The following ADCY2 variants were observed in gnomAD, a reference collection of about 807,000 sequenced individuals.
ADCY2 encodes adenylate cyclase type 2.
In ADCY2, 31 loss-of-function variants were observed where a neutral mutation model predicts 125.2. The ratio of observed to expected loss-of-function variants is 0.25; its 90% CI spans 0.19 to 0.33. The LOEUF (loss-of-function observed/expected upper bound fraction) is 0.33. Among genes scored for constraint, ADCY2 ranks in the 10% least tolerant of loss-of-function variants. ADCY2 has a pLI of 1.00. For missense variants in ADCY2, 904 were observed against 1,418.2 expected (o/e 0.64, Z 5.82); for synonymous variants, 512 against 548.4 (o/e 0.93, Z 0.93).
intron 7 of ADCY2, among the ~76,000 whole-genome samples, chr5:7,705,823 T>C (rs535476897): frequency 6.6e-6 from 1 of 152,364 alleles, no homozygotes; most frequent in African/African-American, 2.4e-5. Context: ...TTTATTTTTA[T>C]ATCGTGGGTC....
chr5:7,503,392 C>G (rs1484675210), intron 2 of ADCY2, among the ~76,000 whole-genome samples: 1 of 152,116 alleles, frequency 6.6e-6, no homozygotes, highest in Admixed American at 6.5e-5. Context: ...AATGAGAAAC[C>G]AATCGCTCGC....
chr5:7,538,483 C>G (rs777223332), intron 3 of ADCY2, among the ~76,000 whole-genome samples: 5 of 152,096 alleles, frequency 3.3e-5, no homozygotes, highest in Non-Finnish European at 5.9e-5. Flanking sequence ...CTTTCTTTCT[C>G]TCTGGCTTAT....
Position 7,396,220 on chromosome 5 carries a change from G to T in ADCY2, c.-77G>T. 1.2e-6 allele frequency: 1 copy of T among 833,060 alleles called. No homozygotes were observed. The highest frequency in any genetic ancestry group is 1.4e-6 in the Non-Finnish European group (1 of 694,574). 51.6% of individuals were successfully genotyped at this position (833,060 alleles called of 1,614,324 possible). On this transcript the variant is annotated 5_prime_UTR_variant, in exon 1 of 25. Coordinates refer to ENST00000338316, the MANE Select transcript of ADCY2 (RefSeq NM_020546.3). The surrounding 1 kb of genome is among the most constrained non-coding windows in gnomAD (Gnocchi z 5.7). ...GCCGGGCCGGCCGAGGCGGCGCGGG[G>T]GTGGGACGCGGGCGGCCGCGGCGAG...
chr5:7,557,201 A>ATATATATATATATATATATATAT, intron 3 of ADCY2, among the ~76,000 whole-genome samples: 6 of 140,042 alleles, frequency 4.3e-5, no homozygotes, highest in African/African-American at 1.3e-4. Flanking sequence ...TGATATATAT[A>ATATATATATATATATATATATAT]ACTCAAGTGA....
Position 7,817,293 on chromosome 5 carries a change from T to C in ADCY2, c.2998+313T>C, listed in dbSNP as rs2126538062. On this transcript the variant is annotated intron_variant, in intron 23 of 24. Transcript: ENST00000338316. The stretch of plus-strand genomic sequence containing the variant: ...AGAGCTGCTACATTATTTTATGGGC[T>C]GTTGCCAATTAAACTGGGACCTGCC... Among the ~76,000 whole-genome samples, 3 of 152,298 alleles carry C rather than the reference T, an allele frequency of 2.0e-5. No homozygotes were observed. The Middle Eastern group carries it at 0.01, about 518-fold the overall frequency.
At chr5:7,401,159 A>T (rs530772820) in intron 1 of ADCY2, among the ~76,000 whole-genome samples, 1 of 152,334 alleles carries the variant, frequency 6.6e-6, no homozygotes, top group South Asian at 2.1e-4. Flanking sequence ...GTACATGCAA[A>T]GCCCTTAGAA....
intron 3 of ADCY2, among the ~76,000 whole-genome samples, chr5:7,549,709 C>T (rs1033041734): frequency 3.9e-5 from 6 of 152,104 alleles, no homozygotes; most frequent in South Asian, 2.1e-4. Context: ...TAGGGCCCTA[C>T]GAAGTAGCCC....
At chr5:7,815,525 G>A (rs1385600278) in intron 22 of ADCY2, among the ~76,000 whole-genome samples, 1 of 152,126 alleles carries the variant, frequency 6.6e-6, no homozygotes, top group Non-Finnish European at 1.5e-5. Flanking sequence ...ACATTTAAAG[G>A]AATTAAATGA....
chr5:7,618,056 T>A (rs1737823744), intron 3 of ADCY2, among the ~76,000 whole-genome samples: 1 of 152,164 alleles, frequency 6.6e-6, no homozygotes, highest in South Asian at 2.1e-4. Context: ...GCACTCAGTA[T>A]TTTTCTCCTT....
chr5:7,501,534 A>C (rs1743570608), intron 2 of ADCY2, among the ~76,000 whole-genome samples: 1 of 151,896 alleles, frequency 6.6e-6, no homozygotes, highest in Non-Finnish European at 1.5e-5. Flanking sequence ...ATAGAATAAA[A>C]AATCAGAAAT....
intron 18 of ADCY2, among the ~76,000 whole-genome samples, chr5:7,783,271 A>G (rs747336639): frequency 6.6e-5 from 10 of 152,144 alleles, no homozygotes; most frequent in African/African-American, 1.2e-4. Context: ...CACAAGTATC[A>G]TTTGGAAAGA....
In ADCY2 at chr5:7,802,426, G is replaced by A; in HGVS notation, c.2775+62G>A. ...CACTCAGTCTCACACCTGTGCACTT[G>A]AAGTTACTTCAGGATAGTGGCCTAT... is the stretch of plus-strand genomic sequence containing the variant. On this transcript the variant is annotated intron_variant, in intron 21 of 24. Coordinates refer to ENST00000338316, the MANE Select transcript of ADCY2 (RefSeq NM_020546.3). The surrounding 1 kb of genome is among the most constrained non-coding windows in gnomAD (Gnocchi z 4.6). The A allele has an allele frequency of 3.8e-6, 6 of 1,568,354 alleles. No individual in the cohort carries two copies. The South Asian group carries it at 6.0e-5, about 16-fold the overall frequency.
chr5:7,557,913 G>C (rs954082277), intron 3 of ADCY2, among the ~76,000 whole-genome samples: 1 of 151,856 alleles, frequency 6.6e-6, no homozygotes, highest in Non-Finnish European at 1.5e-5. Context: ...AGGTCGAATG[G>C]TATGTCTGTA....
intron 3 of ADCY2, among the ~76,000 whole-genome samples, chr5:7,533,164 C>A (rs1182504403): frequency 6.6e-6 from 1 of 150,572 alleles, no homozygotes; most frequent in African/African-American, 2.4e-5. Context: ...TCTATTTTTC[C>A]TGTGAAAATA....
At chr5:7,559,567 GCTTTTGGA>G (rs1286746531) in intron 3 of ADCY2, among the ~76,000 whole-genome samples, 38 of 152,316 alleles carry the variant, frequency 2.5e-4, no homozygotes, top group Non-Finnish European at 5.0e-4. Context: ...AGCTTAAGAA[GCTTTTGGA>G]CTGAGTCTGT....
chr5:7,406,222 T>C (rs1438424942), intron 1 of ADCY2, among the ~76,000 whole-genome samples: 3 of 152,098 alleles, frequency 2.0e-5, no homozygotes, highest in Non-Finnish European at 2.9e-5. Flanking sequence ...CCCTAAAGTC[T>C]TGTCTGTGAA....
chr5:7,681,918 T>C (rs1740352321), intron 4 of ADCY2, among the ~76,000 whole-genome samples: 1 of 152,230 alleles, frequency 6.6e-6, no homozygotes. Context: ...TATTTATGTA[T>C]TGTCCCTTTT....
chr5:7,815,124 C>G (rs465947), intron 22 of ADCY2, among the ~76,000 whole-genome samples: 111,637 of 152,126 alleles, frequency 0.73, 41,965 homozygotes, highest in African/African-American at 0.88. Context: ...AAAGCCTAAC[C>G]AGTCCGTGTC....
chr5:7,635,325 T>C (rs1403662319), intron 4 of ADCY2, among the ~76,000 whole-genome samples: 1 of 152,182 alleles, frequency 6.6e-6, no homozygotes, highest in Non-Finnish European at 1.5e-5. Flanking sequence ...ATGGCAGCAG[T>C]ACAGGCTGGA....
Sources: allele counts gnomAD v4.1 joint callset (sites outside exome capture counted in the v4.1 genomes callset), GRCh38; gene constraint gnomAD v4.1.1; non-coding constraint Gnocchi (gnomAD v3.1); transcripts MANE v1.5; gene names NCBI Gene and HGNC (gene_info 2026-07-23, HGNC 2026-07-21).